Variants in CAPN5 observed in about 807,000 individuals in gnomAD.
CAPN5 encodes the protein calpain-5.
CAPN5 carries 54 observed loss-of-function variants against 73.0 expected under a neutral mutation model. The observed-to-expected ratio is 0.74, with a 90% CI of 0.59 to 0.93. The LOEUF (loss-of-function observed/expected upper bound fraction) is 0.93. Ranked by LOEUF, CAPN5 falls within the 40% of genes least tolerant of loss-of-function variation. The pLI, the probability that CAPN5 is intolerant of heterozygous loss-of-function variation, is 0.00. For synonymous variants in CAPN5, 335 were observed against 356.9 expected (o/e 0.94, Z 0.69); for missense variants, 785 against 882.9 (o/e 0.89, Z 1.41).
At position 77,118,188 on chromosome 11, in the gene CAPN5, A is replaced by G. The variant is rs1950486863; in HGVS notation, c.1003A>G (p.Thr335Ala). Residue 335 changes from threonine to alanine, a missense_variant, in exon 8 of 13, where the codon ACG becomes GCG. Transcript: ENST00000648180. The stretch of plus-strand genomic sequence containing the variant: ...CTTCGAGGACGTGTGCCGGTACTTC[A>G]CGGACATCATCAAGTGCCGCGTGAT... ...MTFEDVCRYFTDIIKCRVINT... is the reference protein window; with the variant it reads ...MTFEDVCRYFADIIKCRVINT... 6.2e-7 allele frequency: 1 copy of G among 1,613,726 alleles called. No individual in the cohort carries two copies. Among genetic ancestry groups the G allele is most frequent in the Non-Finnish European group, 8.5e-7 (1 of 1,179,902 alleles).
intron 3 of CAPN5, among the ~76,000 whole-genome samples, chr11:77,097,698 T>C (rs1555037752): frequency 2.0e-5 from 2 of 101,080 alleles, no homozygotes; most frequent in Non-Finnish European, 3.9e-5. Context: ...CCTTCAAGCA[T>C]CTGTTTAACA....
chr11:77,097,934 A>G (rs1364456478), intron 3 of CAPN5, among the ~76,000 whole-genome samples: 2 of 78,630 alleles, frequency 2.5e-5, no homozygotes, highest in East Asian at 4.3e-4. Context: ...CCGCCTTTCT[A>G]TTCCACAAAG....
At chr11:77,083,154 A>G (rs1449567375) in intron 1 of CAPN5, among the ~76,000 whole-genome samples, 1 of 152,170 alleles carries the variant, frequency 6.6e-6, no homozygotes, top group Non-Finnish European at 1.5e-5. Flanking sequence ...CTGAGGTCAC[A>G]CAGCAGCACT....
At chr11:77,109,752 G>T (rs1306287895) in intron 3 of CAPN5, among the ~76,000 whole-genome samples, 5 of 152,238 alleles carry the variant, frequency 3.3e-5, no homozygotes, top group African/African-American at 1.2e-4. Context: ...AGGTGCAGGG[G>T]CGGTGAAGCA....
At chr11:77,099,783 G>T (rs1288604129) in intron 3 of CAPN5, among the ~76,000 whole-genome samples, 1 of 151,906 alleles carries the variant, frequency 6.6e-6, no homozygotes, top group Non-Finnish European at 1.5e-5. Context: ...GAGGGAGAGG[G>T]AGAGGGAGTT....
Position 77,114,440 on chromosome 11 carries a change from A to G in CAPN5, c.699+6A>G, listed in dbSNP as rs1950446336. ...TCATCAGTGCCTCCATCAAGGTGAG[A>G]ACACGGCAGTCCCCAGAGGCGACCC... On this transcript the variant is annotated splice_donor_region_variant and intron_variant, in intron 5 of 12. Coordinates refer to ENST00000648180, the MANE Select transcript of CAPN5 (RefSeq NM_004055.5). The G allele has an allele frequency of 6.2e-7, 1 of 1,613,390 alleles. No individual in the cohort carries two copies. Among genetic ancestry groups the G allele is most frequent in the Non-Finnish European group, 8.5e-7 (1 of 1,179,408 alleles).
At chr11:77,100,384 T>A (rs1216846983) in intron 3 of CAPN5, among the ~76,000 whole-genome samples, 1 of 151,002 alleles carries the variant, frequency 6.6e-6, no homozygotes, top group Non-Finnish European at 1.5e-5. Flanking sequence ...CCATTCCTTT[T>A]CCCCCCAGGC....
chr11:77,115,390 C>T lies in CAPN5; in HGVS notation c.700-5C>T. On this transcript the variant is annotated splice_polypyrimidine_tract_variant and splice_region_variant and intron_variant, in intron 5 of 12. Transcript: ENST00000648180. ...GCCTCTCTGAGCAACTGTGTCCCTC[C>T]ACAGGCAGTGACAGCAGCTGACATG... is the stretch of plus-strand genomic sequence containing the variant. The T allele has an allele frequency of 1.9e-6, 3 of 1,596,650 alleles. No individual in the cohort carries two copies. Among genetic ancestry groups the T allele is most frequent in the Non-Finnish European group, 1.7e-6 (2 of 1,167,980 alleles).
chr11:77,109,621 C>T (rs370049765), intron 3 of CAPN5, among the ~76,000 whole-genome samples: 2 of 152,194 alleles, frequency 1.3e-5, no homozygotes, highest in African/African-American at 2.4e-5. Context: ...TCCGGCGTGG[C>T]GTGGGAGGGT....
In CAPN5 at chr11:77,102,920, ACGCGTGGAGAGCCTGAAGCAG is replaced by A. The variant is rs782273846; in HGVS notation, c.297+9112_297+9132del. On this transcript the variant is annotated intron_variant, in intron 3 of 12. Transcript: ENST00000648180. ...AGGGCCTGACCAGGCAGATGCGGCT[ACGCGTGGAGAGCCTGAAGCAG>A]CGCGGGGAGAAGCGCCAGGATGGGG... The A allele has an allele frequency of 8.7e-6, 14 of 1,612,792 alleles. No individual in the cohort carries two copies. In the South Asian group the frequency reaches 1.5e-4, roughly 18 times the overall value.
At chr11:77,113,736 G>GGCTTGTCTTCCCCACTCCACAGGA (rs6144402) in intron 4 of CAPN5, among the ~76,000 whole-genome samples, 86,902 of 152,028 alleles carry the variant, frequency 0.57, 25,565 homozygotes, top group African/African-American at 0.72. Context: ...CCTGGATGCA[G>GGCTTGTCTTCCCCACTCCACAGGA]GTCGACCCAG....
intron 2 of CAPN5, 58 bp from the exon 3 acceptor site, chr11:77,093,624 A>T: frequency 1.3e-6 from 2 of 1,517,790 alleles, no homozygotes; most frequent in South Asian, 2.4e-5. Context: ...GTCTCCTGCC[A>T]TGGGGGGCAT....
chr11:77,077,519 G>A (rs1189665074), intron 1 of CAPN5, among the ~76,000 whole-genome samples: 1 of 146,334 alleles, frequency 6.8e-6, no homozygotes, highest in African/African-American at 2.7e-5. Flanking sequence ...GTGATGTTGA[G>A]CTTTTTAATT....
At chr11:77,086,105 G>C (rs1555035470) in intron 2 of CAPN5, among the ~76,000 whole-genome samples, 1 of 152,214 alleles carries the variant, frequency 6.6e-6, no homozygotes, top group Non-Finnish European at 1.5e-5. Flanking sequence ...GCCATGCCTG[G>C]GGTGGCAGAT....
Position 77,119,150 on chromosome 11 carries a change from A to C in CAPN5, c.1288A>C (p.Lys430Gln), listed in dbSNP as rs782434819. 2.5e-6 allele frequency: 4 copies of C among 1,610,132 alleles called. No individual in the cohort carries two copies. The Middle Eastern group carries it at 5.0e-4, about 199-fold the overall frequency. Residue 430 changes from lysine (K) to glutamine (Q), a missense_variant and splice_region_variant, in exon 9 of 13, where the codon AAG (lysine) becomes CAG (glutamine). By Grantham distance (53) the Lys-to-Gln change is moderately conservative. Transcript: ENST00000648180. ...ENLAIGFDIY[K>Q]VEENRQYRMH... ...CCTGGCCATTGGCTTTGACATCTACAAGGTGAGGCCAGCCGGGTCCCCTGC... is the reference window on the plus strand; with the variant it reads ...CCTGGCCATTGGCTTTGACATCTACCAGGTGAGGCCAGCCGGGTCCCCTGC...
At position 77,122,581 on chromosome 11, in the gene CAPN5, A is replaced by G; in HGVS notation, c.1609A>G (p.Asn537Asp). Reference sequence around the variant, plus strand: ...CTCCCACTCCCTCTCCCTAGGGGCTAACTCTTATGTGATCATCAAGTGTGA... The same window carrying G: ...CTCCCACTCCCTCTCCCTAGGGGCTGACTCTTATGTGATCATCAAGTGTGA... The part of the protein sequence containing the change: ...AGLKDSPTGA[N>D]SYVIIKCEGD... Residue 537 changes from asparagine to aspartate, a missense_variant, in exon 12 of 13, where the codon AAC (asparagine) becomes GAC (aspartate). Physicochemically the swap from Asn to Asp is conservative, Grantham distance 23 (BLOSUM62 1). Coordinates refer to ENST00000648180, the MANE Select transcript of CAPN5 (RefSeq NM_004055.5). 1 of 1,597,136 alleles carries G rather than the reference A, an allele frequency of 6.3e-7. No homozygotes were observed. Among genetic ancestry groups the G allele is most frequent in the Non-Finnish European group, 8.5e-7 (1 of 1,172,650 alleles).
intron 12 of CAPN5, among the ~76,000 whole-genome samples, chr11:77,122,956 C>T (rs782435960): frequency 2.6e-5 from 4 of 152,236 alleles, no homozygotes; most frequent in African/African-American, 9.6e-5. Flanking sequence ...CATCTCCTGG[C>T]TGGGGACAGC....
chr11:77,114,372 C>T lies in CAPN5; in HGVS notation c.637C>T (p.Gln213Ter). ...DFANDETKRN[Q>*]LFERMLKVHS... is the part of the protein sequence containing the mutation. ...TGCCAACGATGAGACTAAGAGGAACCAGCTCTTTGAGCGCATGTTAAAGGT... is the reference window on the plus strand; with the variant it reads ...TGCCAACGATGAGACTAAGAGGAACTAGCTCTTTGAGCGCATGTTAAAGGT... Residue 213 changes from glutamine (Q) to a stop codon, truncating the protein, a stop_gained, in exon 5 of 13, where the codon CAG becomes TAG. Transcript: ENST00000648180. LOFTEE classifies it high-confidence loss of function. 11 of 1,614,212 alleles carry T rather than the reference C, an allele frequency of 6.8e-6. No individual in the cohort carries two copies. The highest frequency in any genetic ancestry group is 9.3e-6 in the Non-Finnish European group (11 of 1,180,026).
chr11:77,112,522 A>G (rs1555040895), intron 3 of CAPN5, 67 bp from the exon 4 acceptor site: 9 of 1,277,006 alleles, frequency 7.0e-6, no homozygotes, highest in Non-Finnish European at 1.0e-5. Flanking sequence ...ACACGCCCCC[A>G]TTTCCTCAGG....
Sources: allele counts gnomAD v4.1 joint callset (sites outside exome capture counted in the v4.1 genomes callset), GRCh38; gene constraint gnomAD v4.1.1; transcripts MANE v1.5; gene names NCBI Gene and HGNC (gene_info 2026-07-23, HGNC 2026-07-21).